Variants in DACH2 observed in about 807,000 individuals in gnomAD.
The protein encoded by DACH2 is dachshund family transcription factor 2.
A neutral mutation model predicts 35.8 loss-of-function variants in DACH2; 17 were observed. That is an observed-to-expected ratio of 0.48 (90% CI 0.33 to 0.71). The LOEUF (loss-of-function observed/expected upper bound fraction) is 0.71, where lower values mean the gene tolerates loss of function less well. DACH2 is among the 30% of genes least tolerant of loss of function. The probability of loss-of-function intolerance (pLI) is 0.02; values close to 1 mark genes in which losing one functional copy is unlikely to be tolerated. For missense variants in DACH2, 469 were observed against 472.7 expected (o/e 0.99, Z 0.07); for synonymous variants, 195 against 177.3 (o/e 1.10, Z -0.79).
intron 1 of DACH2, among the ~76,000 whole-genome samples, chrX:86,296,359 C>A: frequency 1.1e-5 from 1 of 91,767 alleles, no homozygotes; most frequent in African/African-American, 4.1e-5. Context: ...CCTGCCTGGG[C>A]CACAGAGCGA....
intron 3 of DACH2, among the ~76,000 whole-genome samples, chrX:86,543,659 C>A (rs1285175077): frequency 2.7e-5 from 3 of 110,409 alleles, no homozygotes; most frequent in Admixed American, 9.6e-5. Context: ...CTGAAAAATT[C>A]TTCAAGAATG....
intron 1 of DACH2, among the ~76,000 whole-genome samples, chrX:86,199,434 G>A (rs945882693): frequency 9.0e-6 from 1 of 111,428 alleles, no homozygotes; most frequent in Non-Finnish European, 1.9e-5. Flanking sequence ...GCAAGAGAAA[G>A]AAATAAAGGG....
chrX:86,333,941 G>A (rs1387237593), intron 1 of DACH2, among the ~76,000 whole-genome samples: 1 of 110,898 alleles, frequency 9.0e-6, no homozygotes, highest in Non-Finnish European at 1.9e-5. Context: ...AGTGTGTGAG[G>A]TTCCCCTCCC....
chrX:86,793,388 A>G (rs952481742), intron 7 of DACH2, among the ~76,000 whole-genome samples: 6 of 111,279 alleles, frequency 5.4e-5, no homozygotes, highest in African/African-American at 2.0e-4. Context: ...GAAAGATACT[A>G]GTTAATAAAA....
chrX:86,808,944 TA>T (rs951982294), intron 7 of DACH2, among the ~76,000 whole-genome samples: 1 of 111,726 alleles, frequency 9.0e-6, no homozygotes, highest in African/African-American at 3.2e-5. Flanking sequence ...ATTCACTATA[TA>T]TTTATCTTTT....
intron 1 of DACH2, among the ~76,000 whole-genome samples, chrX:86,219,518 T>C (rs375519708): frequency 9.0e-6 from 1 of 111,431 alleles, no homozygotes; most frequent in African/African-American, 3.3e-5. Flanking sequence ...GTATGAACAA[T>C]GCTTTTAAAT....
intron 1 of DACH2, among the ~76,000 whole-genome samples, chrX:86,272,138 C>T (rs1356400641): frequency 9.0e-6 from 1 of 110,646 alleles, no homozygotes; most frequent in African/African-American, 3.3e-5. Context: ...CCAGTTCCAT[C>T]CATGTTGCTG....
chrX:86,152,898 A>T (rs1041730043), intron 1 of DACH2, among the ~76,000 whole-genome samples: 1 of 111,932 alleles, frequency 8.9e-6, no homozygotes, highest in African/African-American at 3.2e-5. Flanking sequence ...CAGGTTTAGA[A>T]AGTAAATGTT....
At chrX:86,191,375 G>A (rs913185083) in intron 1 of DACH2, among the ~76,000 whole-genome samples, 2 of 111,545 alleles carry the variant, frequency 1.8e-5, no homozygotes, top group Non-Finnish European at 1.9e-5. Context: ...CTAACACAAG[G>A]ACAGAAAACC....
rs2034828663 is a variant in DACH2, at chrX:86,312,867, G to C, written c.489-63957G>C. Reference sequence around the variant, plus strand: ...TTCTGTCCCTCTCAGAGAACTCCTAGAAGTACAGAGTAGAATAGTGATTAC... The same window carrying C: ...TTCTGTCCCTCTCAGAGAACTCCTACAAGTACAGAGTAGAATAGTGATTAC... On this transcript the variant is annotated intron_variant, in intron 1 of 11. Transcript: ENST00000373125. 2.7e-5 allele frequency among the ~76,000 whole-genome samples: 3 copies of C among 111,290 alleles called. No individual in the cohort carries two copies. In the South Asian group the frequency reaches 1.1e-3, roughly 42 times the overall value.
chrX:86,236,943 T>C (rs774460677), intron 1 of DACH2, among the ~76,000 whole-genome samples: 6 of 112,859 alleles, frequency 5.3e-5, no homozygotes, highest in Non-Finnish European at 1.1e-4. Flanking sequence ...TTTAAAAAAC[T>C]GTTTTACCCT....
At chrX:86,579,476 C>CA (rs374196979) in intron 3 of DACH2, among the ~76,000 whole-genome samples, 3,551 of 100,466 alleles carry the variant, frequency 0.035, 163 homozygotes, top group African/African-American at 0.12. Flanking sequence ...GGTGAGTGGA[C>CA]AAAAAAAAAA....
At chrX:86,610,406 TTTC>T (rs1569452324) in intron 3 of DACH2, among the ~76,000 whole-genome samples, 14 of 80,348 alleles carry the variant, frequency 1.7e-4, no homozygotes, top group African/African-American at 2.2e-4. Context: ...TCTTTCTTTC[TTTC>T]TTTCTTTCTT....
chrX:86,234,788 T>C (rs191905378), intron 1 of DACH2, among the ~76,000 whole-genome samples: 1 of 109,880 alleles, frequency 9.1e-6, no homozygotes, highest in East Asian at 2.9e-4. Context: ...AATTTTTGTA[T>C]GTTTTGTAGA....
intron 2 of DACH2, among the ~76,000 whole-genome samples, chrX:86,486,548 A>G (rs1377118238): frequency 4.5e-5 from 5 of 111,109 alleles, no homozygotes; most frequent in Non-Finnish European, 7.5e-5. Context: ...ATGGCCATGC[A>G]CAATTCTCCT....
At chrX:86,333,088 T>C (rs2035241116) in intron 1 of DACH2, among the ~76,000 whole-genome samples, 1 of 111,301 alleles carries the variant, frequency 9.0e-6, no homozygotes, top group Non-Finnish European at 1.9e-5. Context: ...TTTACTATAT[T>C]CAAAATCTAG....
At chrX:86,785,582 A>T (rs1361896683) in intron 7 of DACH2, among the ~76,000 whole-genome samples, 2 of 112,012 alleles carry the variant, frequency 1.8e-5, no homozygotes, top group Non-Finnish European at 3.8e-5. Context: ...TAATTGAAGT[A>T]AGTTCACAAG....
intron 2 of DACH2, among the ~76,000 whole-genome samples, chrX:86,384,352 A>G (rs1217159895): frequency 8.9e-6 from 1 of 111,757 alleles, no homozygotes; most frequent in Non-Finnish European, 1.9e-5. Context: ...TGATTCTAAG[A>G]CCCAGTATGA....
At chrX:86,229,233 T>A (rs2032894983) in intron 1 of DACH2, among the ~76,000 whole-genome samples, 1 of 111,783 alleles carries the variant, frequency 8.9e-6, no homozygotes, top group Non-Finnish European at 1.9e-5. Context: ...TATCCTTTCC[T>A]CACTTTATGT....
Sources: gnomAD v4.1 joint callset for allele counts (sites outside exome capture counted in the v4.1 genomes callset) on GRCh38, gnomAD v4.1.1 for gene constraint, MANE v1.5 for transcripts, NCBI Gene and HGNC (gene_info 2026-07-23, HGNC 2026-07-21) for gene names.